The following TTC29 variants were observed in gnomAD, a reference collection of about 807,000 sequenced individuals.
TTC29 encodes tetratricopeptide repeat domain 29, also known as tetratricopeptide repeat protein 29.
Under a neutral mutation model 58.1 loss-of-function variants are expected in TTC29, and 49 were observed. That is an observed-to-expected ratio of 0.84 (90% CI 0.67 to 1.07). The LOEUF (loss-of-function observed/expected upper bound fraction) is 1.07, where lower values mean the gene tolerates loss of function less well. TTC29 is among the 50% of genes least tolerant of loss of function. TTC29 has a pLI of 0.00. For synonymous variants in TTC29, 209 were observed against 196.8 expected (o/e 1.06, Z -0.52); for missense variants, 582 against 555.6 (o/e 1.05, Z -0.48).
In TTC29 at chr4:146,707,054, T is replaced by A; in HGVS notation, c.*104A>T. 1 of 824,842 alleles carries A rather than the reference T, an allele frequency of 1.2e-6. No homozygotes were observed. The highest frequency in any genetic ancestry group is 3.2e-5 in the South Asian group (1 of 31,562). 51.1% of individuals were successfully genotyped at this position (824,842 alleles called of 1,614,324 possible). A position where few individuals can be genotyped will look rare whatever the true frequency, so the allele number is the denominator to read the frequency against. ...CAATGAAAAGAGTCATAGTCCGTTT[T>A]ATTATAACTCTATATTATCTGTAAC... On this transcript the variant is annotated 3_prime_UTR_variant, in exon 13 of 13. Transcript: ENST00000325106.
chr4:146,800,799 G>T (rs1421046942), intron 11 of TTC29, among the ~76,000 whole-genome samples: 3 of 152,106 alleles, frequency 2.0e-5, no homozygotes, highest in Non-Finnish European at 4.4e-5. Flanking sequence ...CTTTTGTAGG[G>T]AATACCAAGA....
At chr4:146,824,959 AT>A (rs538298913) in intron 9 of TTC29, among the ~76,000 whole-genome samples, 56 of 152,076 alleles carry the variant, frequency 3.7e-4, no homozygotes, top group Middle Eastern at 6.8e-3. Flanking sequence ...CCCCTTTATC[AT>A]TTTTTATTGT....
At chr4:146,870,298 C>T (rs1364735840) in intron 7 of TTC29, among the ~76,000 whole-genome samples, 1 of 151,962 alleles carries the variant, frequency 6.6e-6, no homozygotes, top group East Asian at 1.9e-4. Flanking sequence ...CCAAAAAATA[C>T]TCTGAGATGG....
At chr4:146,943,700 C>T (rs1006470578) in intron 2 of TTC29, among the ~76,000 whole-genome samples, 3 of 152,162 alleles carry the variant, frequency 2.0e-5, no homozygotes, top group Admixed American at 6.5e-5. Context: ...TAAAGGGGTC[C>T]TGTAACAAAT....
At chr4:146,781,980 A>C (rs770582240) in intron 11 of TTC29, among the ~76,000 whole-genome samples, 4 of 151,906 alleles carry the variant, frequency 2.6e-5, no homozygotes, top group Non-Finnish European at 4.4e-5. Context: ...AGCAAATTTC[A>C]CGGCCAATTT....
chr4:146,785,323 T>C (rs1240888342), intron 11 of TTC29, among the ~76,000 whole-genome samples: 2 of 152,000 alleles, frequency 1.3e-5, no homozygotes, highest in Non-Finnish European at 2.9e-5. Context: ...CTCTAATTTT[T>C]AATACACTTA....
intron 11 of TTC29, among the ~76,000 whole-genome samples, chr4:146,721,017 T>C (rs1389468760): frequency 4.6e-5 from 7 of 152,200 alleles, no homozygotes; most frequent in African/African-American, 1.4e-4. Context: ...AGGAGGGGCA[T>C]GGGAAGTTTA....
At chr4:146,787,166 T>A (rs1489092559) in intron 11 of TTC29, among the ~76,000 whole-genome samples, 1 of 152,176 alleles carries the variant, frequency 6.6e-6, no homozygotes, top group Non-Finnish European at 1.5e-5. Context: ...AACTACCTAG[T>A]AAGGATGAAA....
At chr4:146,880,861 C>T (rs756039724) in intron 6 of TTC29, among the ~76,000 whole-genome samples, 19 of 151,786 alleles carry the variant, frequency 1.3e-4, no homozygotes, top group Non-Finnish European at 1.3e-4. Context: ...TGCTTGCGCC[C>T]GTAAGCTACG....
chr4:146,940,449 C>T (rs1378472087), intron 2 of TTC29, among the ~76,000 whole-genome samples: 1 of 152,196 alleles, frequency 6.6e-6, no homozygotes, highest in African/African-American at 2.4e-5. Flanking sequence ...TAATGAATCA[C>T]TTCAAAATGT....
At chr4:146,759,966 C>A (rs1042564635) in intron 11 of TTC29, among the ~76,000 whole-genome samples, 1 of 152,004 alleles carries the variant, frequency 6.6e-6, no homozygotes. Flanking sequence ...AAATAAAGGG[C>A]ATTCAAATCA....
chr4:146,730,763 G>A (rs569970399), intron 11 of TTC29, among the ~76,000 whole-genome samples: 1 of 152,292 alleles, frequency 6.6e-6, no homozygotes, highest in East Asian at 1.9e-4. Context: ...CGATGCGAAA[G>A]CCATTGATGA....
chr4:146,724,798 A>G (rs1429466659), intron 11 of TTC29, among the ~76,000 whole-genome samples: 2 of 152,100 alleles, frequency 1.3e-5, no homozygotes, highest in Admixed American at 6.6e-5. Context: ...ACACACCATC[A>G]TGCCTGGCCA....
At chr4:146,940,094 T>C (rs1481040835) in intron 2 of TTC29, among the ~76,000 whole-genome samples, 193 bp from the exon 3 acceptor site, 1 of 152,184 alleles carries the variant, frequency 6.6e-6, no homozygotes, top group East Asian at 1.9e-4. Flanking sequence ...TTTTCTTCCA[T>C]TGTCTGCTTT....
intron 6 of TTC29, among the ~76,000 whole-genome samples, chr4:146,883,292 G>A (rs1731755887): frequency 6.6e-6 from 1 of 152,056 alleles, no homozygotes; most frequent in South Asian, 2.1e-4. Context: ...CCAAGCTCCA[G>A]ATGTAGTTGC....
intron 6 of TTC29, among the ~76,000 whole-genome samples, chr4:146,877,536 G>C (rs1468600145): frequency 6.6e-6 from 1 of 152,042 alleles, no homozygotes; most frequent in African/African-American, 2.4e-5. Context: ...GAAACACCTT[G>C]CTCCAAATAC....
At chr4:146,848,853 G>T (rs1407962722) in intron 8 of TTC29, among the ~76,000 whole-genome samples, 1 of 152,172 alleles carries the variant, frequency 6.6e-6, no homozygotes, top group South Asian at 2.1e-4. Flanking sequence ...TGGAAAGTTG[G>T]CATCACATCA....
intron 11 of TTC29, among the ~76,000 whole-genome samples, chr4:146,748,943 T>C (rs1745756354): frequency 6.6e-6 from 1 of 152,118 alleles, no homozygotes; most frequent in African/African-American, 2.4e-5. Context: ...ATAATGATCT[T>C]AAGCAAACAG....
At chr4:146,770,469 G>A (rs1031874341) in intron 11 of TTC29, among the ~76,000 whole-genome samples, 6 of 151,606 alleles carry the variant, frequency 4.0e-5, no homozygotes, top group Non-Finnish European at 8.8e-5. Context: ...AGAAACTGGA[G>A]GCAAATATTC....
Sources: gnomAD v4.1 joint callset for allele counts (sites outside exome capture counted in the v4.1 genomes callset) on GRCh38, gnomAD v4.1.1 for gene constraint, MANE v1.5 for transcripts, NCBI Gene and HGNC (gene_info 2026-07-23, HGNC 2026-07-21) for gene names.